VAV3: variants seen among roughly 807,000 people sequenced by gnomAD.
VAV3 encodes the protein vav guanine nucleotide exchange factor 3.
A neutral mutation model predicts 131.2 loss-of-function variants in VAV3; 94 were observed. The observed-to-expected ratio is 0.72, with a 90% confidence interval of 0.61 to 0.85. The LOEUF (loss-of-function observed/expected upper bound fraction) is 0.85. Among genes scored for constraint, VAV3 ranks in the 40% least tolerant of loss-of-function variants. The pLI is 0.00. For synonymous variants in VAV3, 349 were observed against 342.0 expected (o/e 1.02, Z -0.22); for missense variants, 939 against 1,002.7 (o/e 0.94, Z 0.86).
chr1:107,962,087 T>C (rs1377335194), intron 1 of VAV3, among the ~76,000 whole-genome samples: 1 of 152,248 alleles, frequency 6.6e-6, no homozygotes, highest in Non-Finnish European at 1.5e-5. Context: ...AAGTGACAGC[T>C]TCCAGTTATT....
intron 1 of VAV3, among the ~76,000 whole-genome samples, chr1:107,900,016 A>AAT (rs1301065817): frequency 6.6e-6 from 1 of 152,280 alleles, no homozygotes; most frequent in Admixed American, 6.5e-5. Context: ...CAGCATACTT[A>AAT]ATATATATCA....
chr1:107,802,333 G>A (rs76379499), intron 2 of VAV3, among the ~76,000 whole-genome samples: 67 of 151,810 alleles, frequency 4.4e-4, no homozygotes, highest in Non-Finnish European at 2.5e-4. Flanking sequence ...TTCCAATATG[G>A]ATGGCCTTTA....
intron 1 of VAV3, among the ~76,000 whole-genome samples, chr1:107,901,159 T>C (rs549706735): frequency 7.9e-5 from 12 of 152,312 alleles, no homozygotes; most frequent in South Asian, 6.2e-4. Context: ...GGAGCTGCTA[T>C]GTCCCAGGTA....
intron 15 of VAV3, among the ~76,000 whole-genome samples, chr1:107,724,046 AT>A (rs1412687217): frequency 6.6e-6 from 1 of 152,142 alleles, no homozygotes; most frequent in Non-Finnish European, 1.5e-5. Flanking sequence ...GTGAACTCTG[AT>A]TTGACTCTTA....
chr1:107,741,226 A>G (rs1240983507), intron 15 of VAV3, among the ~76,000 whole-genome samples: 2 of 152,232 alleles, frequency 1.3e-5, no homozygotes, highest in Admixed American at 6.5e-5. Flanking sequence ...CCAAACCTTT[A>G]ATAATAGAAA....
At chr1:107,834,468 C>G (rs781631439) in intron 2 of VAV3, among the ~76,000 whole-genome samples, 3 of 151,952 alleles carry the variant, frequency 2.0e-5, no homozygotes, top group African/African-American at 4.8e-5. Context: ...ATTCAATTGA[C>G]AATCTGGAGT....
chr1:107,688,949 G>C (rs1302232912), intron 17 of VAV3, among the ~76,000 whole-genome samples: 1 of 152,076 alleles, frequency 6.6e-6, no homozygotes, highest in Non-Finnish European at 1.5e-5. Flanking sequence ...AAAAAAAACT[G>C]AGTCAGGATT....
chr1:107,936,695 T>C (rs1354307076), intron 1 of VAV3, among the ~76,000 whole-genome samples: 2 of 152,160 alleles, frequency 1.3e-5, no homozygotes, highest in Non-Finnish European at 2.9e-5. Context: ...GAATTTCAAG[T>C]TGGAGAAGAA....
intron 1 of VAV3, among the ~76,000 whole-genome samples, chr1:107,927,124 T>TA (rs1389491195): frequency 6.6e-6 from 1 of 152,114 alleles, no homozygotes; most frequent in Non-Finnish European, 1.5e-5. Flanking sequence ...CACAGCAGGA[T>TA]AGGACATCAC....
intron 15 of VAV3, among the ~76,000 whole-genome samples, chr1:107,745,486 T>C (rs943420408): frequency 2.0e-5 from 3 of 152,148 alleles, no homozygotes; most frequent in African/African-American, 4.8e-5. Context: ...GGTTCTAATG[T>C]GGTTCACTGC....
chr1:107,804,912 T>C (rs1360044241), intron 2 of VAV3, among the ~76,000 whole-genome samples: 4 of 151,952 alleles, frequency 2.6e-5, no homozygotes, highest in Non-Finnish European at 5.9e-5. Context: ...ATGTGAAGGA[T>C]AGCGTTGTTG....
intron 17 of VAV3, among the ~76,000 whole-genome samples, chr1:107,700,425 A>G (rs1660034781): frequency 2.6e-5 from 4 of 152,182 alleles, no homozygotes; most frequent in Admixed American, 2.6e-4. Context: ...TGCAGCATGC[A>G]TTAGCTATTT....
intron 1 of VAV3, among the ~76,000 whole-genome samples, chr1:107,893,381 G>A (rs183235793): frequency 6.6e-6 from 1 of 152,148 alleles, no homozygotes; most frequent in African/African-American, 2.4e-5. Flanking sequence ...TTACTTAAAA[G>A]TAATCTACTT....
At chr1:107,837,835 A>G (rs1469636463) in intron 2 of VAV3, among the ~76,000 whole-genome samples, 2 of 152,194 alleles carry the variant, frequency 1.3e-5, no homozygotes, top group Non-Finnish European at 2.9e-5. Flanking sequence ...GGCTAGCCAT[A>G]CACAGGAGAA....
intron 2 of VAV3, among the ~76,000 whole-genome samples, chr1:107,799,405 T>A (rs1297965492): frequency 6.6e-6 from 1 of 151,848 alleles, no homozygotes; most frequent in Non-Finnish European, 1.5e-5. Flanking sequence ...CCCAATTTAA[T>A]TTTTTCATAT....
At position 107,768,550 on chromosome 1, in the gene VAV3, TG is replaced by T. The variant is rs1259249734; in HGVS notation, c.649-42del. The stretch of plus-strand genomic sequence containing the variant: ...AAGAAAATAGTAATTAAGTATAACT[TG>T]TCCTAATCTATATAATAGTTTTTCA... On this transcript the variant is annotated intron_variant, in intron 6 of 26. Coordinates refer to ENST00000370056, the MANE Select transcript of VAV3 (RefSeq NM_006113.5). 7 of 1,495,890 alleles carry T rather than the reference TG, an allele frequency of 4.7e-6. No homozygotes were observed. The African/African-American group carries it at 6.9e-5, about 15-fold the overall frequency. 92.7% of individuals were successfully genotyped at this position (1,495,890 alleles called of 1,614,324 possible).
intron 15 of VAV3, among the ~76,000 whole-genome samples, chr1:107,729,002 T>TC (rs1415297981): frequency 4.6e-5 from 7 of 152,320 alleles, no homozygotes; most frequent in Admixed American, 1.3e-4. Flanking sequence ...TAGTTTTTTT[T>TC]CTCAGTCTGA....
intron 2 of VAV3, among the ~76,000 whole-genome samples, chr1:107,792,446 T>TAC (rs1410031572): frequency 6.6e-6 from 1 of 152,190 alleles, no homozygotes; most frequent in African/African-American, 2.4e-5. Flanking sequence ...TAGCTGGGAC[T>TAC]ACAGGTGTGC....
intron 2 of VAV3, among the ~76,000 whole-genome samples, chr1:107,844,375 A>G (rs1423761347): frequency 6.6e-6 from 1 of 152,070 alleles, no homozygotes; most frequent in African/African-American, 2.4e-5. Context: ...CTGGGTTTCA[A>G]GCACAAAACT....
Sources: allele counts gnomAD v4.1 joint callset (sites outside exome capture counted in the v4.1 genomes callset), GRCh38; gene constraint gnomAD v4.1.1; transcripts MANE v1.5; gene names NCBI Gene and HGNC (gene_info 2026-07-23, HGNC 2026-07-21).